POMK: variants seen among roughly 807,000 people sequenced by gnomAD.
The protein encoded by POMK is protein O-mannose kinase.
POMK carries 19 observed loss-of-function variants against 23.0 expected under a neutral mutation model. The observed-to-expected ratio is 0.83, with a 90% CI of 0.58 to 1.21. The LOEUF (loss-of-function observed/expected upper bound fraction) is 1.21. POMK is among the 50% of genes most tolerant of loss of function. The pLI is 0.00. For missense variants in POMK, 410 were observed against 431.3 expected (o/e 0.95, Z 0.44); for synonymous variants, 173 against 171.6 (o/e 1.01, Z -0.06).
At chr8:43,094,653 A>G (rs1811296695) in intron 1 of POMK, among the ~76,000 whole-genome samples, 1 of 152,232 alleles carries the variant, frequency 6.6e-6, no homozygotes, top group African/African-American at 2.4e-5. Flanking sequence ...GCGCAATGGA[A>G]TTCTACTCTA....
intron 1 of POMK, among the ~76,000 whole-genome samples, chr8:43,096,477 T>C (rs539685667): frequency 2.6e-5 from 4 of 151,984 alleles, no homozygotes; most frequent in Non-Finnish European, 5.9e-5. Flanking sequence ...CTGGCCAACA[T>C]AGTGAAACTC....
intron 1 of POMK, among the ~76,000 whole-genome samples, chr8:43,095,497 T>C (rs1811315905): frequency 6.6e-6 from 1 of 152,156 alleles, no homozygotes; most frequent in African/African-American, 2.4e-5. Flanking sequence ...GTTTTCTGAG[T>C]AATGCTGAGG....
intron 1 of POMK, among the ~76,000 whole-genome samples, 168 bp downstream of exon 1, chr8:43,093,731 T>A (rs1419521975): frequency 6.6e-6 from 1 of 152,184 alleles, no homozygotes; most frequent in Non-Finnish European, 1.5e-5. Flanking sequence ...TGAGCGGCCG[T>A]GTCCACCGCG....
At chr8:43,107,013 C>T (rs1811557483) in intron 4 of POMK, among the ~76,000 whole-genome samples, 1 of 152,122 alleles carries the variant, frequency 6.6e-6, no homozygotes, top group South Asian at 2.1e-4. Flanking sequence ...GCAGGCCGGG[C>T]TGTGGTTCCA....
At chr8:43,100,944 T>C (rs1031907131) in intron 2 of POMK, among the ~76,000 whole-genome samples, 2 of 152,028 alleles carry the variant, frequency 1.3e-5, no homozygotes, top group Non-Finnish European at 2.9e-5. Context: ...ACTGTGGGTT[T>C]AGAGCCATAG....
chr8:43,121,494 A>G (rs1329291906), intron 4 of POMK, among the ~76,000 whole-genome samples: 2 of 152,248 alleles, frequency 1.3e-5, no homozygotes, highest in Admixed American at 6.5e-5. Flanking sequence ...AGAACATGCA[A>G]AAATGTTTTC....
intron 2 of POMK, among the ~76,000 whole-genome samples, chr8:43,101,864 G>A (rs1343966337): frequency 1.3e-5 from 2 of 152,188 alleles, no homozygotes; most frequent in Admixed American, 6.5e-5. Flanking sequence ...GAGAAATGCC[G>A]TTTCCTGTTA....
chr8:43,097,174 G>A (rs922245121), intron 1 of POMK, among the ~76,000 whole-genome samples: 5 of 152,208 alleles, frequency 3.3e-5, no homozygotes, highest in Non-Finnish European at 5.9e-5. Flanking sequence ...TCAGACTTTA[G>A]CATGCATCCA....
At chr8:43,111,490 T>G (rs1204368911) in intron 4 of POMK, among the ~76,000 whole-genome samples, 1 of 152,232 alleles carries the variant, frequency 6.6e-6, no homozygotes, top group Non-Finnish European at 1.5e-5. Flanking sequence ...GCTCCACCTC[T>G]GGGGGCAGGG....
intron 4 of POMK, among the ~76,000 whole-genome samples, chr8:43,105,933 T>G (rs1811535007): frequency 6.6e-6 from 1 of 152,254 alleles, no homozygotes; most frequent in African/African-American, 2.4e-5. Context: ...AGTGCTGGGA[T>G]TACAGGCGTG....
intron 4 of POMK, among the ~76,000 whole-genome samples, chr8:43,111,305 C>T (rs1046996329): frequency 1.3e-5 from 2 of 152,198 alleles, no homozygotes; most frequent in African/African-American, 4.8e-5. Flanking sequence ...GTCCTACGCC[C>T]ATGGAGCCTC....
chr8:43,111,614 G>C (rs549889577), intron 4 of POMK, among the ~76,000 whole-genome samples: 22 of 152,364 alleles, frequency 1.4e-4, no homozygotes, highest in African/African-American at 5.1e-4. Context: ...AGAATGGGCA[G>C]ACTACCTCCT....
chr8:43,119,207 C>A (rs1563342211), intron 4 of POMK, among the ~76,000 whole-genome samples: 1 of 152,112 alleles, frequency 6.6e-6, no homozygotes, highest in Non-Finnish European at 1.5e-5. Flanking sequence ...ATTGCCAGTT[C>A]TGGTGGTGAC....
intron 1 of POMK, among the ~76,000 whole-genome samples, chr8:43,095,420 G>A (rs1811314746): frequency 6.6e-6 from 1 of 152,146 alleles, no homozygotes; most frequent in Non-Finnish European, 1.5e-5. Flanking sequence ...TGAATGTGAG[G>A]ACTTAGGGAT....
At chr8:43,112,730 A>C (rs1344583571) in intron 4 of POMK, among the ~76,000 whole-genome samples, 1 of 152,268 alleles carries the variant, frequency 6.6e-6, no homozygotes, top group Non-Finnish European at 1.5e-5. Context: ...CAGAAACTCT[A>C]CAAGCCAGAA....
chr8:43,115,150 A>T (rs1811770649), intron 4 of POMK, among the ~76,000 whole-genome samples: 1 of 152,216 alleles, frequency 6.6e-6, no homozygotes, highest in Admixed American at 6.5e-5. Flanking sequence ...TTCTGGAAAG[A>T]TGTTACATGA....
At position 43,122,487 on chromosome 8, in the gene POMK, C is replaced by A. The variant is rs145931566; in HGVS notation, c.663C>A (p.Phe221Leu). The A allele has an allele frequency of 1.9e-6, 3 of 1,614,168 alleles. No individual in the cohort carries two copies. Among genetic ancestry groups the A allele is most frequent in the Non-Finnish European group, 2.5e-6 (3 of 1,180,022 alleles). ...CCCAGTATCTGCTAACAAGCAACTT[C>A]AGCATTTTGGCAAATGACTTGGACG... ...TLSQYLLTSN[F>L]SILANDLDAL... The change falls in exon 5 of 5, where the codon TTC becomes TTA. Residue 221 changes from phenylalanine (F) to leucine (L), a missense_variant. By Grantham distance (22) the Phe-to-Leu change is conservative (BLOSUM62 0). Transcript: ENST00000331373.
intron 4 of POMK, among the ~76,000 whole-genome samples, chr8:43,119,857 A>G (rs1811876274): frequency 6.6e-6 from 1 of 152,000 alleles, no homozygotes; most frequent in East Asian, 1.9e-4. Flanking sequence ...GTTTTTCCAT[A>G]ATGAACCTCC....
intron 4 of POMK, among the ~76,000 whole-genome samples, chr8:43,115,405 G>T (rs1197411266): frequency 6.6e-6 from 1 of 152,138 alleles, no homozygotes; most frequent in Non-Finnish European, 1.5e-5. Flanking sequence ...CCACGTCACA[G>T]ATCTCCCTCA....
Sources: allele counts gnomAD v4.1 joint callset (sites outside exome capture counted in the v4.1 genomes callset), GRCh38; gene constraint gnomAD v4.1.1; transcripts MANE v1.5; gene names NCBI Gene and HGNC (gene_info 2026-07-23, HGNC 2026-07-21).